RAB11FIP1: variants seen among roughly 807,000 people sequenced by gnomAD.
RAB11FIP1 encodes the protein RAB11 family interacting protein 1.
A neutral mutation model predicts 83.1 loss-of-function variants in RAB11FIP1; 49 were observed. The observed-to-expected ratio is 0.59, with a 90% CI of 0.47 to 0.75. RAB11FIP1 has a LOEUF of 0.75. Among genes scored for constraint, RAB11FIP1 ranks in the 30% least tolerant of loss-of-function variants. RAB11FIP1 has a pLI of 0.00. For synonymous variants in RAB11FIP1, 670 were observed against 656.0 expected (o/e 1.02, Z -0.33); for missense variants, 1,536 against 1,598.7 (o/e 0.96, Z 0.67).
In RAB11FIP1 at chr8:37,872,180, C is replaced by A; in HGVS notation, c.2622G>T (p.Thr874=). The A allele has an allele frequency of 6.2e-7, 1 of 1,614,070 alleles. No individual in the cohort carries two copies. The highest frequency in any genetic ancestry group is 8.5e-7 in the Non-Finnish European group (1 of 1,179,984). The part of the protein sequence containing the change: ...RESVTTPGPA[T]CGAPASPADH... ...CCGCTGGGGAGGCTGGCGCACCACA[C>A]GTCGCTGGCCCAGGTGTGGTCACCG... is the stretch of plus-strand genomic sequence containing the variant. Residue 874 remains threonine (T), a synonymous_variant, in exon 4 of 6, where the codon ACG becomes ACT. Transcript: ENST00000330843.
chr8:37,881,011 G>A (rs183018159), intron 1 of RAB11FIP1, among the ~76,000 whole-genome samples: 36 of 152,270 alleles, frequency 2.4e-4, no homozygotes, highest in Admixed American at 1.2e-3. Context: ...CTGGTGGCTC[G>A]CTCACAGGGC....
At chr8:37,882,115 G>A (rs2130172331) in intron 1 of RAB11FIP1, among the ~76,000 whole-genome samples, 1 of 152,240 alleles carries the variant, frequency 6.6e-6, no homozygotes, top group Non-Finnish European at 1.5e-5. Flanking sequence ...AGGAGCTTCA[G>A]GCAGGGGTTT....
chr8:37,888,606 G>A (rs1421299284), intron 1 of RAB11FIP1, among the ~76,000 whole-genome samples: 1 of 151,646 alleles, frequency 6.6e-6, no homozygotes, highest in East Asian at 1.9e-4. Context: ...AGCCTACAAA[G>A]TAGCTAGGAT....
rs978254090 is a variant in RAB11FIP1, at chr8:37,874,710, G to A, written c.1427C>T (p.Ala476Val). ...MLMGVKPGED[A>V]SGPAEDLVRR... ...CACAAGGTCTTCAGCAGGCCCCGAT[G>A]CGTCCTCCCCCGGCTTAACCCCCAT... Residue 476 changes from alanine (A) to valine (V), a missense_variant, in exon 3 of 6, where the codon GCA (alanine) becomes GTA (valine). Coordinates refer to ENST00000330843, the MANE Select transcript of RAB11FIP1 (RefSeq NM_001002814.3). 15 of 1,614,116 alleles carry A rather than the reference G, an allele frequency of 9.3e-6. No homozygotes were observed. Among genetic ancestry groups the A allele is most frequent in the Non-Finnish European group, 1.3e-5 (15 of 1,180,028 alleles).
chr8:37,887,759 A>G (rs1207058616), intron 1 of RAB11FIP1, among the ~76,000 whole-genome samples: 2 of 152,232 alleles, frequency 1.3e-5, no homozygotes, highest in Admixed American at 1.3e-4. Context: ...TAATGTATGC[A>G]AAGTGCTTAG....
At chr8:37,893,177 C>T (rs1806985536) in intron 1 of RAB11FIP1, among the ~76,000 whole-genome samples, 1 of 151,096 alleles carries the variant, frequency 6.6e-6, no homozygotes, top group Admixed American at 6.6e-5. Flanking sequence ...TGGGTTCAAG[C>T]AATTATCCTG....
chr8:37,887,911 G>T (rs939053893), intron 1 of RAB11FIP1, among the ~76,000 whole-genome samples: 1 of 152,112 alleles, frequency 6.6e-6, no homozygotes, highest in African/African-American at 2.4e-5. Flanking sequence ...CGTGAAGTGG[G>T]TATATGCCAT....
At chr8:37,875,385 G>A in intron 2 of RAB11FIP1, 63 bp from the exon 3 acceptor site, 2 of 1,247,134 alleles carry the variant, frequency 1.6e-6, no homozygotes, top group South Asian at 2.7e-5. Context: ...CAGTGTAGGG[G>A]CATCTGTCAA....
At chr8:37,891,135 T>C (rs764878655) in intron 1 of RAB11FIP1, among the ~76,000 whole-genome samples, 14 of 152,180 alleles carry the variant, frequency 9.2e-5, no homozygotes, top group Non-Finnish European at 1.9e-4. Context: ...GGACATCTTA[T>C]GGAGAGCAAA....
chr8:37,895,342 C>T (rs1444770128), intron 1 of RAB11FIP1, among the ~76,000 whole-genome samples: 2 of 119,234 alleles, frequency 1.7e-5, no homozygotes, highest in Non-Finnish European at 3.3e-5. Flanking sequence ...AACTCCTGAG[C>T]TCAAGTGATC....
At chr8:37,875,396 C>A (rs1563369577) in intron 2 of RAB11FIP1, 74 bp from the exon 3 acceptor site, 3 of 1,093,090 alleles carry the variant, frequency 2.7e-6, no homozygotes, top group East Asian at 4.7e-5. Context: ...CATCTGTCAA[C>A]GTCTGGATAC....
chr8:37,887,893 T>C (rs945016473), intron 1 of RAB11FIP1, among the ~76,000 whole-genome samples: 2 of 152,228 alleles, frequency 1.3e-5, no homozygotes, highest in African/African-American at 4.8e-5. Context: ...AATGGCTAAA[T>C]GATATTCCGT....
At chr8:37,868,417 C>T (rs1392190918) in intron 5 of RAB11FIP1, among the ~76,000 whole-genome samples, 1 of 136,746 alleles carries the variant, frequency 7.3e-6, no homozygotes, top group East Asian at 2.1e-4. Flanking sequence ...AGCAAAACTC[C>T]ATCTCAAAAA....
chr8:37,884,648 A>C (rs1329998966), intron 1 of RAB11FIP1, among the ~76,000 whole-genome samples: 1 of 151,996 alleles, frequency 6.6e-6, no homozygotes. Flanking sequence ...TCCCGGGTTC[A>C]AGCAATTCTC....
chr8:37,898,034 G>T (rs1408564000), intron 1 of RAB11FIP1, among the ~76,000 whole-genome samples: 2 of 152,184 alleles, frequency 1.3e-5, no homozygotes, highest in African/African-American at 4.8e-5. Flanking sequence ...GTCATTCTCG[G>T]CTCGAAGTGT....
intron 1 of RAB11FIP1, among the ~76,000 whole-genome samples, chr8:37,896,535 A>G (rs1807094826): frequency 6.6e-6 from 1 of 152,184 alleles, no homozygotes; most frequent in African/African-American, 2.4e-5. Flanking sequence ...CCTGGAAGTC[A>G]ATACTGTGAC....
In RAB11FIP1 at chr8:37,861,004, G is replaced by T. The variant is rs1585423667; in HGVS notation, c.*1891C>A. On this transcript the variant is annotated 3_prime_UTR_variant, in exon 6 of 6. Coordinates refer to ENST00000330843, the MANE Select transcript of RAB11FIP1 (RefSeq NM_001002814.3). Reference sequence around the variant, plus strand: ...TGCTATCATCTTCACCCCCAACCACGCTATTAGCCTGTGATATTCTTCCCC... The same window carrying T: ...TGCTATCATCTTCACCCCCAACCACTCTATTAGCCTGTGATATTCTTCCCC... 6.6e-6 allele frequency: 1 copy of T among 152,234 alleles called. No homozygotes were observed. Among genetic ancestry groups the T allele is most frequent in the African/African-American group, 2.4e-5 (1 of 41,406 alleles). 9.4% of individuals were successfully genotyped at this position (152,234 alleles called of 1,614,324 possible).
At chr8:37,876,240 A>G (rs1356461017) in intron 2 of RAB11FIP1, among the ~76,000 whole-genome samples, 1 of 150,692 alleles carries the variant, frequency 6.6e-6, no homozygotes, top group Non-Finnish European at 1.5e-5. Flanking sequence ...GAAGGAAGGA[A>G]GGAAGGAAGG....
intron 5 of RAB11FIP1, among the ~76,000 whole-genome samples, chr8:37,863,977 C>T (rs1213469333): frequency 6.6e-6 from 1 of 152,200 alleles, no homozygotes; most frequent in Non-Finnish European, 1.5e-5. Flanking sequence ...GGCAGCAGGT[C>T]GAGGTCCAGC....
Sources: allele counts gnomAD v4.1 joint callset (sites outside exome capture counted in the v4.1 genomes callset), GRCh38; gene constraint gnomAD v4.1.1; transcripts MANE v1.5; gene names NCBI Gene and HGNC (gene_info 2026-07-23, HGNC 2026-07-21).